The following MANBA variants were observed in gnomAD, a reference collection of about 807,000 sequenced individuals.
MANBA encodes mannosidase beta.
Under a neutral mutation model 111.1 loss-of-function variants are expected in MANBA, and 83 were observed. The observed-to-expected ratio is 0.75, with a 90% CI of 0.63 to 0.90. MANBA has a LOEUF of 0.90. Ranked by LOEUF, MANBA falls within the 40% of genes least tolerant of loss-of-function variation. The pLI, the probability that MANBA is intolerant of heterozygous loss-of-function variation, is 0.00. For synonymous variants in MANBA, 370 were observed against 378.7 expected (o/e 0.98, Z 0.27); for missense variants, 1,036 against 1,069.0 (o/e 0.97, Z 0.43).
In MANBA at chr4:102,697,075, A is replaced by C. The variant is rs112038295; in HGVS notation, c.674-6304T>G. On this transcript the variant is annotated intron_variant, in intron 5 of 16. Transcript: ENST00000647097. ...ATCCTTGAAACTGAAATCAAGGCAAAAGAGACGCAAGGCAAAATGTTTCCT... is the reference window on the plus strand; with the variant it reads ...ATCCTTGAAACTGAAATCAAGGCAACAGAGACGCAAGGCAAAATGTTTCCT... Among the ~76,000 whole-genome samples, 8 of 152,268 alleles carry C rather than the reference A, an allele frequency of 5.3e-5. 2 individuals are homozygous for C. The highest frequency in any genetic ancestry group is 1.9e-4 in the African/African-American group (8 of 41,558).
chr4:102,714,434 T>G lies in MANBA; in HGVS notation c.673+4A>C. 6.2e-7 allele frequency: 1 copy of G among 1,604,004 alleles called. No homozygotes were observed. Among genetic ancestry groups the G allele is most frequent in the Non-Finnish European group, 8.5e-7 (1 of 1,170,956 alleles). On this transcript the variant is annotated splice_donor_region_variant and intron_variant, in intron 5 of 16. Transcript: ENST00000647097. Reference sequence around the variant, plus strand: ...AGAAAAAAAAATCACATCTTTCAGCTTACCATATATTGGGGAAAATGTGAA... The same window carrying G: ...AGAAAAAAAAATCACATCTTTCAGCGTACCATATATTGGGGAAAATGTGAA...
rs146374185 is a variant in MANBA at position 102,631,885 on chromosome 4, C to T, written c.*172G>A. 148 of 675,644 alleles carry T rather than the reference C, an allele frequency of 2.2e-4. 1 individual carries two copies. In the East Asian group the frequency reaches 3.1e-3, roughly 14 times the overall value. The allele number at this position is 675,644 out of a possible 1,614,324, so 41.9% of individuals were successfully genotyped here. On this transcript the variant is annotated 3_prime_UTR_variant, in exon 17 of 17. Coordinates refer to ENST00000647097, the MANE Select transcript of MANBA (RefSeq NM_005908.4). The stretch of plus-strand genomic sequence containing the variant: ...TGAGGACATTGCCTGGGTAAACAGC[C>T]TCCCCTGAAAGTGTTCAGTGTACAA...
chr4:102,721,527 C>T (rs748779385), intron 4 of MANBA, among the ~76,000 whole-genome samples: 9 of 152,020 alleles, frequency 5.9e-5, no homozygotes, highest in South Asian at 2.1e-4. Context: ...CCTAAACGTC[C>T]GTCAACAGAT....
intron 7 of MANBA, among the ~76,000 whole-genome samples, chr4:102,676,872 C>G (rs900348412): frequency 6.6e-6 from 1 of 152,190 alleles, no homozygotes; most frequent in Non-Finnish European, 1.5e-5. Context: ...TAGCTCCAAA[C>G]TGCTAGTAGT....
At chr4:102,699,548 T>C (rs1732910716) in intron 5 of MANBA, among the ~76,000 whole-genome samples, 2 of 150,680 alleles carry the variant, frequency 1.3e-5, no homozygotes, top group Admixed American at 1.3e-4. Context: ...ACCTAATTTA[T>C]TGAGAGTTTT....
intron 11 of MANBA, among the ~76,000 whole-genome samples, chr4:102,663,860 A>G (rs1315218882): frequency 2.0e-5 from 3 of 152,208 alleles, no homozygotes; most frequent in Admixed American, 1.3e-4. Context: ...AGGCCAATTT[A>G]TATTAACATA....
At chr4:102,738,100 G>T (rs1222547575) in intron 1 of MANBA, among the ~76,000 whole-genome samples, 1 of 152,222 alleles carries the variant, frequency 6.6e-6, no homozygotes, top group Non-Finnish European at 1.5e-5. Context: ...ACTGCAGCTA[G>T]TGCTTTCTTG....
chr4:102,662,032 A>C (rs434644), intron 11 of MANBA, among the ~76,000 whole-genome samples: 65,873 of 151,706 alleles, frequency 0.43, 14,678 homozygotes, highest in South Asian at 0.53. Context: ...GTTATTGCCC[A>C]TGGCTCGTTT....
rs1722676585 is a variant in MANBA, at chr4:102,723,787, C to T, written c.378+75G>A. 3.7e-6 allele frequency: 3 copies of T among 817,704 alleles called. No homozygotes were observed. The South Asian group carries it at 4.6e-5, about 13-fold the overall frequency. The allele number at this position is 817,704 out of a possible 1,614,324, so 50.7% of individuals were successfully genotyped here. On this transcript the variant is annotated intron_variant, in intron 3 of 16. Coordinates refer to ENST00000647097, the MANE Select transcript of MANBA (RefSeq NM_005908.4). ...TGTCACATGGCCAATTATGCATTTA[C>T]TTTTCTCTACTCACAAAAGCAATTA...
chr4:102,664,618 G>C, intron 11 of MANBA, 67 bp downstream of exon 11: 2 of 1,426,636 alleles, frequency 1.4e-6, no homozygotes, highest in Non-Finnish European at 2.0e-6. Flanking sequence ...GATTACAGGC[G>C]TGAGCCACCA....
chr4:102,755,959 A>T (rs951153769), intron 1 of MANBA, among the ~76,000 whole-genome samples: 1 of 152,240 alleles, frequency 6.6e-6, no homozygotes, highest in Admixed American at 6.5e-5. Context: ...GTGATCATTA[A>T]AAAGTCAGTA....
At chr4:102,729,408 G>A in intron 1 of MANBA, 1 of 1,097,004 alleles carries the variant, frequency 9.1e-7, no homozygotes, top group Non-Finnish European at 1.4e-6. Flanking sequence ...TGCTGTTCAT[G>A]CCCAGGGAGC....
At chr4:102,659,443 G>GA (rs1007993377) in intron 11 of MANBA, among the ~76,000 whole-genome samples, 19 of 150,854 alleles carry the variant, frequency 1.3e-4, no homozygotes, top group African/African-American at 1.9e-4. Context: ...CTGCTATTAA[G>GA]AAAAAAAAAT....
chr4:102,740,437 A>G (rs1419058648), intron 1 of MANBA, among the ~76,000 whole-genome samples: 1 of 152,236 alleles, frequency 6.6e-6, no homozygotes, highest in Non-Finnish European at 1.5e-5. Flanking sequence ...CAGAACTAGC[A>G]AAAGCAAACC....
At chr4:102,650,846 T>A (rs887866098) in intron 12 of MANBA, 145 bp from the exon 13 acceptor site, 14 of 679,862 alleles carry the variant, frequency 2.1e-5, no homozygotes, top group African/African-American at 9.0e-5. Context: ...ATAAATGTTT[T>A]ACCATCCTAC....
intron 1 of MANBA, among the ~76,000 whole-genome samples, chr4:102,747,941 C>G (rs565181017): frequency 6.6e-6 from 1 of 152,150 alleles, no homozygotes; most frequent in Non-Finnish European, 1.5e-5. Context: ...TGAAGTGTAG[C>G]GGTGGGGTTC....
chr4:102,639,915 C>T, intron 13 of MANBA, 58 bp from the exon 14 acceptor site: 1 of 1,587,506 alleles, frequency 6.3e-7, no homozygotes, highest in Admixed American at 1.7e-5. Flanking sequence ...CTGCCTAGAT[C>T]TGAGAAAAAT....
In MANBA at chr4:102,634,845, G is replaced by A. The variant is rs767182713; in HGVS notation, c.2358C>T (p.Asn786=). 6.2e-7 allele frequency: 1 copy of A among 1,614,228 alleles called. No homozygotes were observed. Among genetic ancestry groups the A allele is most frequent in the East Asian group, 2.2e-5 (1 of 44,884 alleles). Residue 786 remains asparagine (N), a synonymous_variant, in exon 16 of 17, where the codon AAC becomes AAT. Transcript: ENST00000647097. The stretch of plus-strand genomic sequence containing the variant: ...CCTTCGGTGAGGACAAGAAGTGGTA[G>A]TTGGTCGGGCTCAGGAGTTCATGGT... ...SADHELLSPT[N]YHFLSSPKEA... is the part of the protein sequence containing the mutation.
At chr4:102,743,695 T>A (rs1229906939) in intron 1 of MANBA, among the ~76,000 whole-genome samples, 1 of 152,188 alleles carries the variant, frequency 6.6e-6, no homozygotes, top group Non-Finnish European at 1.5e-5. Flanking sequence ...GGAATGCTGC[T>A]GTACACAACC....
Sources: gnomAD v4.1 joint callset for allele counts (sites outside exome capture counted in the v4.1 genomes callset) on GRCh38, gnomAD v4.1.1 for gene constraint, MANE v1.5 for transcripts, NCBI Gene and HGNC (gene_info 2026-07-23, HGNC 2026-07-21) for gene names.